PDE4D: variants seen among roughly 807,000 people sequenced by gnomAD.
PDE4D encodes the protein 3',5'-cyclic-AMP phosphodiesterase 4D.
In PDE4D, 24 loss-of-function variants were observed where a neutral mutation model predicts 87.4. The observed-to-expected ratio is 0.27, with a 90% CI of 0.20 to 0.39. The LOEUF (loss-of-function observed/expected upper bound fraction) is 0.39. Ranked by LOEUF, PDE4D falls within the 10% of genes least tolerant of loss-of-function variation. The pLI, the probability that PDE4D is intolerant of heterozygous loss-of-function variation, is 1.00. For synonymous variants in PDE4D, 384 were observed against 383.2 expected (o/e 1.00, Z -0.02); for missense variants, 714 against 1,041.0 (o/e 0.69, Z 4.32).
At chr5:59,461,354 A>AT (rs951814616) in intron 1 of PDE4D, among the ~76,000 whole-genome samples, 16 of 151,594 alleles carry the variant, frequency 1.1e-4, no homozygotes, top group East Asian at 1.9e-4. Context: ...TAGTGTTTGG[A>AT]TTTTTTTTTA....
At chr5:59,988,534 G>A (rs185956374) in exon 3 of PDE4D, 1 of 1,599,244 alleles carries the variant, frequency 6.3e-7, no homozygotes, top group South Asian at 1.1e-5. Flanking sequence ...AGAATCTTCA[G>A]GGGGAGGCTG....
intron 5 of PDE4D, among the ~76,000 whole-genome samples, chr5:59,139,565 G>A (rs1777597612): frequency 6.6e-6 from 1 of 152,144 alleles, no homozygotes; most frequent in Non-Finnish European, 1.5e-5. Context: ...ACGGCTCACT[G>A]CAGTCTCAAC....
intron 1 of PDE4D, among the ~76,000 whole-genome samples, chr5:59,637,397 A>T (rs141426564): frequency 6.6e-6 from 1 of 152,300 alleles, no homozygotes; most frequent in East Asian, 1.9e-4. Flanking sequence ...ATTACTGGGT[A>T]TATAATCCCA....
intron 2 of PDE4D, among the ~76,000 whole-genome samples, chr5:60,144,844 T>C (rs566979314): frequency 6.6e-6 from 1 of 152,272 alleles, no homozygotes; most frequent in East Asian, 1.9e-4. Context: ...TAACAGGTAT[T>C]CAACAAATCT....
At chr5:59,437,813 C>T (rs1159602339) in intron 1 of PDE4D, among the ~76,000 whole-genome samples, 4 of 152,072 alleles carry the variant, frequency 2.6e-5, no homozygotes, top group Non-Finnish European at 5.9e-5. Flanking sequence ...ACAGCATCAG[C>T]GTATTAGTCT....
At chr5:60,138,923 AG>A (rs1780284971) in intron 2 of PDE4D, among the ~76,000 whole-genome samples, 1 of 152,134 alleles carries the variant, frequency 6.6e-6, no homozygotes, top group Non-Finnish European at 1.5e-5. Flanking sequence ...TGTGTCATAA[AG>A]GGCTGTTTGG....
At chr5:60,350,597 G>T (rs1469600159) in intron 1 of PDE4D, among the ~76,000 whole-genome samples, 1 of 152,174 alleles carries the variant, frequency 6.6e-6, no homozygotes, top group Non-Finnish European at 1.5e-5. Flanking sequence ...GCCAGCAAAT[G>T]CAGGCCCCAC....
Position 59,446,063 on chromosome 5 carries a change from A to G in PDE4D, c.456-230095T>C, listed in dbSNP as rs922804628. Among the ~76,000 whole-genome samples, 7 of 152,336 alleles carry G rather than the reference A, an allele frequency of 4.6e-5. No homozygotes were observed. In the South Asian group the frequency reaches 1.4e-3, roughly 32 times the overall value. On this transcript the variant is annotated intron_variant, in intron 1 of 14. Coordinates refer to ENST00000340635, the MANE Select transcript of PDE4D (RefSeq NM_001104631.2). ...CTGATATAACAGAGGCAATTGTTTAAGAAAGCGTAATGTGAAAATGTTTTA... is the reference window on the plus strand; with the variant it reads ...CTGATATAACAGAGGCAATTGTTTAGGAAAGCGTAATGTGAAAATGTTTTA...
rs145118721 is a variant in PDE4D at position 60,522,010 on chromosome 5, C to G, written n.70+41G>C. ...ACAAGAGCAACTAAAGGGCAAGCTT[C>G]GGGGGCAAGGGGAGACAAACACCTC... On this transcript the variant is annotated intron_variant and non_coding_transcript_variant, in intron 1 of 2. Transcript: ENST00000506510. 6 of 151,936 alleles carry G rather than the reference C, an allele frequency of 3.9e-5. No homozygotes were observed. The East Asian group carries it at 7.8e-4, about 20-fold the overall frequency. The allele number at this position is 151,936 out of a possible 1,614,324, so 9.4% of individuals were successfully genotyped here. A position where few individuals can be genotyped will look rare whatever the true frequency, so the allele number is the denominator to read the frequency against.
rs1244106307 is a variant in PDE4D at position 58,974,086 on chromosome 5, A to T, written c.*578T>A. 2 of 152,584 alleles carry T rather than the reference A, an allele frequency of 1.3e-5. No homozygotes were observed. Among genetic ancestry groups the T allele is most frequent in the Non-Finnish European group, 2.9e-5 (2 of 68,030 alleles). 9.5% of individuals were successfully genotyped at this position (152,584 alleles called of 1,614,324 possible). A position where few individuals can be genotyped will look rare whatever the true frequency, so the allele number is the denominator to read the frequency against. On this transcript the variant is annotated 3_prime_UTR_variant, in exon 15 of 15. Coordinates refer to ENST00000340635, the MANE Select transcript of PDE4D (RefSeq NM_001104631.2). ...AATAATAAAAGTAAGCTCTACAAAA[A>T]ATCTGTTTTACATATCATACAAAAT...
chr5:59,316,236 T>A (rs1773707809), intron 1 of PDE4D, among the ~76,000 whole-genome samples: 1 of 152,190 alleles, frequency 6.6e-6, no homozygotes, highest in Non-Finnish European at 1.5e-5. Context: ...GAGTTTGGAA[T>A]TGGAATCGGT....
intron 3 of PDE4D, among the ~76,000 whole-genome samples, chr5:59,953,766 C>T (rs1758541976): frequency 6.6e-6 from 1 of 152,120 alleles, no homozygotes; most frequent in Non-Finnish European, 1.5e-5. Flanking sequence ...CAATACTCTC[C>T]CATTTGCTTT....
At chr5:60,378,276 A>G (rs1375812326) in intron 1 of PDE4D, among the ~76,000 whole-genome samples, 1 of 152,158 alleles carries the variant, frequency 6.6e-6, no homozygotes, top group Admixed American at 6.5e-5. Context: ...ATCAAACTTC[A>G]TCTTCTCTAT....
chr5:59,808,405 G>GT (rs1467795015), intron 1 of PDE4D, among the ~76,000 whole-genome samples: 1 of 152,052 alleles, frequency 6.6e-6, no homozygotes, highest in Non-Finnish European at 1.5e-5. Context: ...CACCATTTTG[G>GT]TTTTAACATA....
intron 1 of PDE4D, among the ~76,000 whole-genome samples, chr5:60,450,801 G>A (rs1255272258): frequency 1.3e-5 from 2 of 152,164 alleles, no homozygotes; most frequent in African/African-American, 4.8e-5. Context: ...AAAATAGGAT[G>A]AACCAATGAT....
chr5:59,306,082 A>AC (rs1771290410), intron 1 of PDE4D, among the ~76,000 whole-genome samples: 1 of 152,092 alleles, frequency 6.6e-6, no homozygotes, highest in Non-Finnish European at 1.5e-5. Flanking sequence ...TTGTTAAGTG[A>AC]ATATATGTTT....
intron 5 of PDE4D, among the ~76,000 whole-genome samples, chr5:59,106,476 T>G (rs1771596606): frequency 6.6e-6 from 1 of 152,150 alleles, no homozygotes; most frequent in Non-Finnish European, 1.5e-5. Context: ...AAAACCACCA[T>G]GTTAGGCCGG....
At chr5:59,027,274 T>A (rs1029717719) in intron 6 of PDE4D, among the ~76,000 whole-genome samples, 4 of 152,188 alleles carry the variant, frequency 2.6e-5, no homozygotes, top group African/African-American at 9.7e-5. Flanking sequence ...TCAGATCATA[T>A]CGAGGGTACA....
At chr5:59,134,099 C>T (rs888071937) in intron 5 of PDE4D, among the ~76,000 whole-genome samples, 1 of 150,070 alleles carries the variant, frequency 6.7e-6, no homozygotes, top group African/African-American at 2.5e-5. Context: ...CCCTCAACTC[C>T]ACTTTTGCTT....
Sources: allele counts gnomAD v4.1 joint callset (sites outside exome capture counted in the v4.1 genomes callset), GRCh38; gene constraint gnomAD v4.1.1; transcripts MANE v1.5; gene names NCBI Gene and HGNC (gene_info 2026-07-23, HGNC 2026-07-21).